The following PCDHA4 variants were observed in gnomAD, a reference collection of about 807,000 sequenced individuals.
PCDHA4 encodes protocadherin alpha 4.
A neutral mutation model predicts 61.4 loss-of-function variants in PCDHA4; 49 were observed. The ratio of observed to expected loss-of-function variants is 0.80; its 90% CI spans 0.63 to 1.01. The LOEUF (loss-of-function observed/expected upper bound fraction) is 1.01, where lower values mean the gene tolerates loss of function less well. PCDHA4 is among the 50% of genes least tolerant of loss of function. The pLI is 0.00. For missense variants in PCDHA4, 1,254 were observed against 1,235.8 expected (o/e 1.01, Z -0.22); for synonymous variants, 590 against 550.3 (o/e 1.07, Z -1.01).
rs373157192 is a variant in PCDHA4, at chr5:140,869,487, C to G, written c.2385+59915C>G. On this transcript the variant is annotated intron_variant, in intron 1 of 3. Transcript: ENST00000530339. ...ACGTGGAGGTGAAGGACATTAACGA[C>G]AACCCGCCGGTGTTCTCGCTCAGAG... The G allele has an allele frequency of 3.1e-6, 5 of 1,614,180 alleles. No homozygotes were observed. The South Asian group carries it at 5.5e-5, about 18-fold the overall frequency.
chr5:140,836,277 A>G (rs1774327794), intron 1 of PCDHA4: 1 of 1,613,670 alleles, frequency 6.2e-7, no homozygotes, highest in Non-Finnish European at 8.5e-7. Context: ...TGGTGAGATC[A>G]GCACGACACG....
intron 1 of PCDHA4, chr5:140,883,054 C>T: frequency 6.2e-7 from 1 of 1,614,072 alleles, no homozygotes; most frequent in South Asian, 1.1e-5. Context: ...CATTAGTGAT[C>T]AAGCTAAATG....
intron 1 of PCDHA4, chr5:140,928,931 A>G: frequency 1.9e-6 from 3 of 1,614,150 alleles, no homozygotes; most frequent in Non-Finnish European, 2.5e-6. Flanking sequence ...CTTTCTGCCC[A>G]GAACTTGTAT....
chr5:140,838,046 T>C (rs1554136765), intron 1 of PCDHA4, among the ~76,000 whole-genome samples: 1 of 150,988 alleles, frequency 6.6e-6, no homozygotes, highest in African/African-American at 2.4e-5. Flanking sequence ...TTCTGCACTT[T>C]TTGGTTTTCC....
Position 140,941,319 on chromosome 5 carries a change from C to CT in PCDHA4, c.2386-37615dup, listed in dbSNP as rs70988781. On this transcript the variant is annotated intron_variant, in intron 1 of 3. Transcript: ENST00000530339. Reference sequence around the variant, plus strand: ...TTCTTTCTTTCTTTTTCTTCTTTCTCTTTTTTTTTTTTTTTCAGATGGAGT... The same window carrying CT: ...TTCTTTCTTTCTTTTTCTTCTTTCTCTTTTTTTTTTTTTTTTCAGATGGAGT... Among the ~76,000 whole-genome samples the CT allele has an allele frequency of 1.3e-3, 140 of 104,384 alleles. 3 individuals are homozygous for CT. The highest frequency in any genetic ancestry group is 2.9e-3 in the South Asian group (9 of 3,126). The allele number at this position is 104,384 out of a possible 152,430, so 68.5% of individuals were successfully genotyped here.
At chr5:140,941,286 CTCTTTCTT>C (rs5871754) in intron 1 of PCDHA4, among the ~76,000 whole-genome samples, 8 of 106,846 alleles carry the variant, frequency 7.5e-5, no homozygotes, top group East Asian at 5.2e-4. Context: ...TCCTTCCTTT[CTCTTTCTT>C]TCTTTCTTTC....
At chr5:140,838,152 C>T (rs1353802529) in intron 1 of PCDHA4, among the ~76,000 whole-genome samples, 1 of 150,110 alleles carries the variant, frequency 6.7e-6, no homozygotes, top group African/African-American at 2.5e-5. Context: ...TTTACTCTGT[C>T]GCCCTCTCTG....
At chr5:140,911,539 C>T (rs1554194791) in intron 1 of PCDHA4, among the ~76,000 whole-genome samples, 1 of 152,194 alleles carries the variant, frequency 6.6e-6, no homozygotes, top group African/African-American at 2.4e-5. Context: ...ATTAGAATCC[C>T]TAAGTTCATC....
chr5:140,875,349 CTG>C, intron 1 of PCDHA4: 1 of 1,444,894 alleles, frequency 6.9e-7, no homozygotes, highest in Non-Finnish European at 9.1e-7. Context: ...TCCATAATGA[CTG>C]TGATGCTGGA....
At chr5:140,896,262 T>C (rs2065465092) in intron 1 of PCDHA4, among the ~76,000 whole-genome samples, 2 of 152,258 alleles carry the variant, frequency 1.3e-5, no homozygotes, top group African/African-American at 4.8e-5. Flanking sequence ...TGTACACAGT[T>C]ATGGGATTTG....
intron 1 of PCDHA4, chr5:140,841,844 CATG>C (rs2150323969): frequency 6.2e-7 from 1 of 1,613,842 alleles, no homozygotes; most frequent in Non-Finnish European, 8.5e-7. Flanking sequence ...GCTTAGCTCT[CATG>C]ATTACTTCAT....
chr5:140,834,619 T>C, intron 1 of PCDHA4: 1 of 1,614,188 alleles, frequency 6.2e-7, no homozygotes, highest in Non-Finnish European at 8.5e-7. Flanking sequence ...GAGGTAAATC[T>C]GCAGAATGGC....
intron 1 of PCDHA4, among the ~76,000 whole-genome samples, chr5:140,978,488 C>T (rs1453613410): frequency 6.6e-6 from 1 of 152,224 alleles, no homozygotes; most frequent in Non-Finnish European, 1.5e-5. Flanking sequence ...TCTGCAAAGC[C>T]AGCAGCAGAT....
intron 3 of PCDHA4, among the ~76,000 whole-genome samples, chr5:140,993,462 T>TCTCACA (rs1235362335): frequency 7.1e-6 from 1 of 140,938 alleles, no homozygotes; most frequent in Non-Finnish European, 1.5e-5. Flanking sequence ...TCTTTCTTTC[T>TCTCACA]CACACACACA....
chr5:140,883,175 A>G lies in PCDHA4; in HGVS notation c.2385+73603A>G, dbSNP rs1554177014. ...CATAAATCCGAACAATGGAGAAATTAGGACAAAAGGCAAACTAGATTTCGA... is the reference window on the plus strand; with the variant it reads ...CATAAATCCGAACAATGGAGAAATTGGGACAAAAGGCAAACTAGATTTCGA... On this transcript the variant is annotated intron_variant, in intron 1 of 3. Coordinates refer to ENST00000530339, the MANE Select transcript of PCDHA4 (RefSeq NM_018907.4). 3 of 1,614,060 alleles carry G rather than the reference A, an allele frequency of 1.9e-6. No individual in the cohort carries two copies. Among genetic ancestry groups the G allele is most frequent in the East Asian group, 4.5e-5 (2 of 44,892 alleles).
chr5:140,903,275 T>G (rs1313552617), intron 1 of PCDHA4, among the ~76,000 whole-genome samples: 1 of 152,210 alleles, frequency 6.6e-6, no homozygotes, highest in East Asian at 1.9e-4. Context: ...TGAGGTAGTG[T>G]CTCATTGTGC....
intron 1 of PCDHA4, chr5:140,841,234 C>A: frequency 6.8e-7 from 1 of 1,471,288 alleles, no homozygotes. Context: ...ACGGGAGATG[C>A]AGCGGAATTG....
At chr5:140,829,264 T>C (rs2150164860) in intron 1 of PCDHA4, 2 of 1,614,244 alleles carry the variant, frequency 1.2e-6, no homozygotes, top group East Asian at 2.2e-5. Flanking sequence ...CGCTGACGCC[T>C]CACGTCCCTT....
At chr5:140,924,675 A>G (rs2081950007) in intron 1 of PCDHA4, among the ~76,000 whole-genome samples, 1 of 152,152 alleles carries the variant, frequency 6.6e-6, no homozygotes, top group Non-Finnish European at 1.5e-5. Flanking sequence ...CAGGCCAATC[A>G]CTTGAGGTCA....
Sources: gnomAD v4.1 joint callset for allele counts (sites outside exome capture counted in the v4.1 genomes callset) on GRCh38, gnomAD v4.1.1 for gene constraint, MANE v1.5 for transcripts, NCBI Gene and HGNC (gene_info 2026-07-23, HGNC 2026-07-21) for gene names.